The following MARCO variants were observed in gnomAD, a reference collection of about 807,000 sequenced individuals.
MARCO encodes the protein macrophage receptor MARCO.
In MARCO, 72 loss-of-function variants were observed where a neutral mutation model predicts 70.0. The ratio of observed to expected loss-of-function variants is 1.03; its 90% CI spans 0.85 to 1.25. The LOEUF (loss-of-function observed/expected upper bound fraction) is 1.25, where lower values mean the gene tolerates loss of function less well. MARCO is among the 50% of genes most tolerant of loss of function. The pLI is 0.00. For synonymous variants in MARCO, 273 were observed against 243.1 expected, an observed-to-expected ratio of 1.12 and a Z score of -1.14; for missense variants, 696 against 659.3, an observed-to-expected ratio of 1.06 and a Z score of -0.61.
chr2:118,983,272 G>A (rs1680428493), intron 12 of MARCO, among the ~76,000 whole-genome samples: 1 of 152,196 alleles, frequency 6.6e-6, no homozygotes, highest in South Asian at 2.1e-4. Flanking sequence ...GCCTGAGAAG[G>A]TCACGCTTGT....
At chr2:118,969,898 G>T (rs999628224) in intron 2 of MARCO, among the ~76,000 whole-genome samples, 17 of 152,230 alleles carry the variant, frequency 1.1e-4, no homozygotes, top group African/African-American at 4.1e-4. Context: ...AGGCCACGCA[G>T]AAATGTTTTG....
At chr2:118,975,850 A>G (rs2104587392) in intron 6 of MARCO, among the ~76,000 whole-genome samples, 1 of 152,290 alleles carries the variant, frequency 6.6e-6, no homozygotes, top group South Asian at 2.1e-4. Context: ...TTACACTTGC[A>G]CAAGTACAAT....
chr2:118,971,048 C>G (rs190945552), intron 3 of MARCO, among the ~76,000 whole-genome samples: 1 of 152,158 alleles, frequency 6.6e-6, no homozygotes, highest in African/African-American at 2.4e-5. Flanking sequence ...GCTGTGGCCT[C>G]CCCAGGGAGA....
intron 1 of MARCO, among the ~76,000 whole-genome samples, chr2:118,962,941 A>T (rs910350488): frequency 1.1e-4 from 16 of 152,064 alleles, no homozygotes; most frequent in African/African-American, 3.6e-4. Context: ...ATCTGTAGTG[A>T]TAGCACCTGT....
At chr2:118,989,366 C>A (rs540136187) in intron 12 of MARCO, among the ~76,000 whole-genome samples, 1 of 152,148 alleles carries the variant, frequency 6.6e-6, no homozygotes, top group Non-Finnish European at 1.5e-5. Context: ...TTCCCTAACA[C>A]GAGGAACAGA....
rs114866462 is a variant in MARCO, at chr2:118,947,238, C to A, written c.97+4841C>A. On this transcript the variant is annotated intron_variant, in intron 1 of 16. Transcript: ENST00000327097. ...GTGTCAAGTCTAAGAGTTCTTTAGC[C>A]CTTGTTGGTGAAGATTTTCTTCTCT... is the stretch of plus-strand genomic sequence containing the variant. 8.4e-3 allele frequency among the ~76,000 whole-genome samples: 1,271 copies of A among 152,148 alleles called. 14 individuals carry two copies. The highest frequency in any genetic ancestry group is 0.028 in the African/African-American group (1,155 of 41,520).
chr2:118,977,564 A>T, intron 7 of MARCO, 49 bp downstream of exon 7: 4 of 1,550,088 alleles, frequency 2.6e-6, no homozygotes, highest in Non-Finnish European at 3.6e-6. Context: ...AGCCTGAGGC[A>T]CTGAGGCAGT....
chr2:118,951,706 T>C (rs1679725584), intron 1 of MARCO, among the ~76,000 whole-genome samples: 1 of 152,254 alleles, frequency 6.6e-6, no homozygotes, highest in East Asian at 1.9e-4. Context: ...AAGAAGACTT[T>C]CAATTATCAA....
At chr2:118,947,385 A>T (rs1679621888) in intron 1 of MARCO, among the ~76,000 whole-genome samples, 1 of 152,156 alleles carries the variant, frequency 6.6e-6, no homozygotes, top group African/African-American at 2.4e-5. Context: ...ATCATAGTGC[A>T]TTGCAGCCTC....
In MARCO at chr2:118,981,647, G is replaced by T; in HGVS notation, c.892G>T (p.Gly298Ter). 6.2e-7 allele frequency: 1 copy of T among 1,613,970 alleles called. No individual in the cohort carries two copies. Among genetic ancestry groups the T allele is most frequent in the South Asian group, 1.1e-5 (1 of 91,062 alleles). Residue 298 changes from glycine to a stop codon, truncating the protein, a stop_gained, in exon 10 of 17, where the codon GGA becomes TGA. Coordinates refer to ENST00000327097, the MANE Select transcript of MARCO (RefSeq NM_006770.4). LOFTEE classifies it high-confidence loss of function. ...PGLAGFPGAK[G>*]DQGQPGLQGV... ...TTTGGCTGGTTTTCCTGGAGCTAAA[G>T]GAGATCAAGGTAAGAACTACAGGAA...
chr2:118,960,168 G>A (rs1306356482), intron 1 of MARCO, among the ~76,000 whole-genome samples: 1 of 151,758 alleles, frequency 6.6e-6, no homozygotes, highest in African/African-American at 2.4e-5. Flanking sequence ...TGTAGATTTT[G>A]TGGAATGGTT....
rs1558671929 is a variant in MARCO, at chr2:118,986,701, GAAAGAAAGAAAGAAAGAAAGA to G, written c.1064-3870_1064-3850del. The stretch of plus-strand genomic sequence containing the variant: ...AGAAAGAAAGAAAGAAAGAAAGAAA[GAAAGAAAGAAAGAAAGAAAGA>G]AAAGAAAGAAAGAAAGAGAAAGAAA... On this transcript the variant is annotated intron_variant, in intron 12 of 16. Transcript: ENST00000327097. Among the ~76,000 whole-genome samples the G allele has an allele frequency of 1.5e-4, 13 of 89,268 alleles. 3 individuals are homozygous for G. Among genetic ancestry groups the G allele is most frequent in the African/African-American group, 6.3e-4 (12 of 19,054 alleles). 58.6% of individuals were successfully genotyped at this position (89,268 alleles called of 152,430 possible).
At position 118,981,676 on chromosome 2, in the gene MARCO, G is replaced by A; in HGVS notation, c.901+20G>A. On this transcript the variant is annotated intron_variant, in intron 10 of 16. Transcript: ENST00000327097. ...ATCAAGGTAAGAACTACAGGAATCTGGGCATCATCCCAGCTACGACTGTCC... is the reference window on the plus strand; with the variant it reads ...ATCAAGGTAAGAACTACAGGAATCTAGGCATCATCCCAGCTACGACTGTCC... 6.2e-7 allele frequency: 1 copy of A among 1,611,732 alleles called. No individual in the cohort carries two copies. Among genetic ancestry groups the A allele is most frequent in the East Asian group, 2.2e-5 (1 of 44,870 alleles).
chr2:118,977,281 C>G (rs996860736), intron 6 of MARCO, among the ~76,000 whole-genome samples, 190 bp from the exon 7 acceptor site: 1 of 147,090 alleles, frequency 6.8e-6, no homozygotes, highest in East Asian at 2.4e-4. Flanking sequence ...TTTGTGCAAT[C>G]ATATGTGTGT....
At chr2:118,971,680 T>A in intron 4 of MARCO, 146 bp downstream of exon 4, 1 of 773,346 alleles carries the variant, frequency 1.3e-6, no homozygotes, top group Non-Finnish European at 2.2e-6. Flanking sequence ...TTCAGTTGGG[T>A]CTCCTCTCTG....
At chr2:118,946,318 A>G (rs1303993783) in intron 1 of MARCO, among the ~76,000 whole-genome samples, 1 of 151,220 alleles carries the variant, frequency 6.6e-6, no homozygotes, top group Non-Finnish European at 1.5e-5. Context: ...AACCCCACAT[A>G]CCCCTCACTC....
chr2:118,975,691 C>T (rs1680266049), intron 6 of MARCO, among the ~76,000 whole-genome samples: 1 of 151,858 alleles, frequency 6.6e-6, no homozygotes. Context: ...TGCATTCTCA[C>T]ACTCACTCAC....
intron 14 of MARCO, 142 bp from the exon 15 acceptor site, chr2:118,992,290 C>A (rs1165946408): frequency 3.0e-6 from 2 of 657,918 alleles, no homozygotes; most frequent in East Asian, 2.7e-5. Context: ...ACATCCCATC[C>A]CCATAATGCC....
rs372624487 is a variant in MARCO at position 118,982,273 on chromosome 2, T to A, written c.1000+19T>A. 2.5e-6 allele frequency: 4 copies of A among 1,611,346 alleles called. No individual in the cohort carries two copies. In the African/African-American group the frequency reaches 5.4e-5, roughly 22 times the overall value. ...CGAGCAGGTGAGGTCCTGGGTCCTA[T>A]GGTGGGCACAGGGAGTGATGTGTGA... is the stretch of plus-strand genomic sequence containing the variant. On this transcript the variant is annotated intron_variant, in intron 11 of 16. Coordinates refer to ENST00000327097, the MANE Select transcript of MARCO (RefSeq NM_006770.4).
Sources: gnomAD v4.1 joint callset for allele counts (sites outside exome capture counted in the v4.1 genomes callset) on GRCh38, gnomAD v4.1.1 for gene constraint, MANE v1.5 for transcripts, NCBI Gene and HGNC (gene_info 2026-07-23, HGNC 2026-07-21) for gene names.